The following MYOM2 variants were observed in gnomAD, a reference collection of about 807,000 sequenced individuals.
MYOM2 encodes the protein myomesin 2.
In MYOM2, 254 loss-of-function variants were observed where a neutral mutation model predicts 187.6. The observed-to-expected ratio is 1.35, with a 90% CI of 1.22 to 1.50. The LOEUF (loss-of-function observed/expected upper bound fraction) is 1.50, where lower values mean the gene tolerates loss of function less well. Ranked by LOEUF, MYOM2 falls within the 40% of genes most tolerant of loss-of-function variation. MYOM2 has a pLI of 0.00. For missense variants in MYOM2, 2,796 were observed against 1,924.0 expected (o/e 1.45, Z -8.48); for synonymous variants, 981 against 753.8 (o/e 1.30, Z -4.94).
intron 1 of MYOM2, 34 bp from the exon 2 acceptor site, chr8:2,050,721 G>A (rs1818453716): frequency 7.6e-7 from 1 of 1,310,556 alleles, no homozygotes; most frequent in Non-Finnish European, 1.1e-6. Flanking sequence ...ATGCTTGCGA[G>A]GGAGCTCAGT....
intron 6 of MYOM2, among the ~76,000 whole-genome samples, chr8:2,061,763 T>C (rs956858173): frequency 1.3e-5 from 2 of 152,156 alleles, no homozygotes; most frequent in African/African-American, 4.8e-5. Context: ...CTACCTCATT[T>C]CTCCAGATAA....
chr8:2,096,089 A>T (rs1191970814), intron 17 of MYOM2, among the ~76,000 whole-genome samples, 158 bp from the exon 18 acceptor site: 1 of 152,162 alleles, frequency 6.6e-6, no homozygotes, highest in Non-Finnish European at 1.5e-5. Context: ...GTAAAGACCA[A>T]GGTGGTTAAG....
intron 24 of MYOM2, 140 bp downstream of exon 24, chr8:2,108,970 C>A: frequency 2.5e-6 from 2 of 807,056 alleles, no homozygotes; most frequent in Non-Finnish European, 4.0e-6. Context: ...GGATTGAAAC[C>A]TATTGATTTA....
At chr8:2,116,490 G>A (rs1411824437) in intron 27 of MYOM2, among the ~76,000 whole-genome samples, 1 of 152,122 alleles carries the variant, frequency 6.6e-6, no homozygotes, top group Non-Finnish European at 1.5e-5. Context: ...ATGTCCAGAC[G>A]GAGTCCAGCA....
intron 23 of MYOM2, among the ~76,000 whole-genome samples, chr8:2,108,572 T>C (rs1476300795): frequency 6.6e-6 from 1 of 152,174 alleles, no homozygotes; most frequent in East Asian, 1.9e-4. Flanking sequence ...GTGCCCTGCC[T>C]TGTCCTCAGC....
rs912299504 is a variant in MYOM2 at position 2,079,459 on chromosome 8, C to G, written c.1463-101C>G. On this transcript the variant is annotated intron_variant, in intron 12 of 36. Coordinates refer to ENST00000262113, the MANE Select transcript of MYOM2 (RefSeq NM_003970.4). ...CCCCAGAGGACTCACAGGTTGTAGTCCTAATGCAGAGGAGATGCAGAGCTG... is the reference window on the plus strand; with the variant it reads ...CCCCAGAGGACTCACAGGTTGTAGTGCTAATGCAGAGGAGATGCAGAGCTG... 5.3e-6 allele frequency: 6 copies of G among 1,133,960 alleles called. No individual in the cohort carries two copies. The Admixed American group carries it at 6.7e-5, about 13-fold the overall frequency. 70.2% of individuals were successfully genotyped at this position (1,133,960 alleles called of 1,614,324 possible). A position where few individuals can be genotyped will look rare whatever the true frequency, so the allele number is the denominator to read the frequency against.
At chr8:2,055,692 C>T (rs151109528) in intron 3 of MYOM2, among the ~76,000 whole-genome samples, 240 of 152,288 alleles carry the variant, frequency 1.6e-3, no homozygotes, top group African/African-American at 5.4e-3. Context: ...TAGTCTTAAT[C>T]GCTGCTGGGG....
At chr8:2,085,095 C>T (rs889069547) in intron 13 of MYOM2, 168 bp from the exon 14 acceptor site, 4 of 702,574 alleles carry the variant, frequency 5.7e-6, no homozygotes, top group East Asian at 2.7e-5. Context: ...TTTATTGGTG[C>T]CTTATCCTCT....
chr8:2,140,079 C>T (rs559592242), intron 32 of MYOM2, among the ~76,000 whole-genome samples: 43 of 152,252 alleles, frequency 2.8e-4, no homozygotes, highest in African/African-American at 9.6e-4. Context: ...CATTCCCCTC[C>T]CCCAGCCCCT....
intron 18 of MYOM2, among the ~76,000 whole-genome samples, chr8:2,098,413 C>T (rs528593221): frequency 7.9e-5 from 12 of 152,234 alleles, no homozygotes; most frequent in African/African-American, 2.4e-4. Flanking sequence ...GTATGGGGGA[C>T]GTGGTGGGCT....
At chr8:2,135,997 A>G (rs1232477296) in intron 32 of MYOM2, among the ~76,000 whole-genome samples, 1 of 152,240 alleles carries the variant, frequency 6.6e-6, no homozygotes, top group Non-Finnish European at 1.5e-5. Context: ...GTGAGCAGCC[A>G]GGGTTGCAGA....
chr8:2,051,627 C>T (rs1254182645), intron 2 of MYOM2, among the ~76,000 whole-genome samples: 5 of 152,236 alleles, frequency 3.3e-5, no homozygotes, highest in Non-Finnish European at 7.3e-5. Flanking sequence ...CTCCCAGCAG[C>T]CTTGGGGTGT....
chr8:2,113,593 C>T (rs540482453), intron 25 of MYOM2, among the ~76,000 whole-genome samples: 3 of 152,270 alleles, frequency 2.0e-5, no homozygotes, highest in African/African-American at 2.4e-5. Context: ...GAAGGACCGA[C>T]TGGGACAGGT....
intron 20 of MYOM2, chr8:2,101,915 T>G (rs1049742555): frequency 6.6e-6 from 1 of 152,262 alleles, no homozygotes; most frequent in Non-Finnish European, 1.5e-5. Context: ...TTGCGGTTCC[T>G]CAGTGACTGG....
chr8:2,051,752 C>T (rs1184453372), intron 2 of MYOM2, among the ~76,000 whole-genome samples: 1 of 152,176 alleles, frequency 6.6e-6, no homozygotes, highest in Non-Finnish European at 1.5e-5. Context: ...GGAGAAAGCA[C>T]CCCAGGGCGG....
At chr8:2,125,938 T>A (rs150522580) in intron 31 of MYOM2, among the ~76,000 whole-genome samples, 2,591 of 152,106 alleles carry the variant, frequency 0.017, 53 homozygotes, top group East Asian at 0.048. Flanking sequence ...TCTATTTCTG[T>A]GAAAAACAAC....
chr8:2,110,387 G>C (rs1458486100), intron 25 of MYOM2, among the ~76,000 whole-genome samples: 1 of 152,144 alleles, frequency 6.6e-6, no homozygotes, highest in Non-Finnish European at 1.5e-5. Context: ...TTCTGCTTTC[G>C]ATTGTATAAA....
chr8:2,079,050 A>C (rs1819532398), intron 12 of MYOM2, 117 bp downstream of exon 12: 12 of 950,578 alleles, frequency 1.3e-5, no homozygotes, highest in South Asian at 7.4e-5. Context: ...CCCTGTGTGC[A>C]GAGCATAGCA....
At chr8:2,113,445 G>T (rs917699597) in intron 25 of MYOM2, among the ~76,000 whole-genome samples, 3 of 152,194 alleles carry the variant, frequency 2.0e-5, no homozygotes, top group African/African-American at 7.2e-5. Context: ...GCCTTGGGAG[G>T]TCTCTACCCC....
Sources: allele counts gnomAD v4.1 joint callset (sites outside exome capture counted in the v4.1 genomes callset), GRCh38; gene constraint gnomAD v4.1.1; transcripts MANE v1.5; gene names NCBI Gene and HGNC (gene_info 2026-07-23, HGNC 2026-07-21).